The following TSPOAP1 variants were observed in gnomAD, a reference collection of about 807,000 sequenced individuals.
TSPOAP1 encodes the protein TSPO associated protein 1.
In TSPOAP1, 87 loss-of-function variants were observed where a neutral mutation model predicts 197.0. That is an observed-to-expected ratio of 0.44 (90% CI 0.37 to 0.53). The LOEUF is 0.53. Ranked by LOEUF, TSPOAP1 falls within the 20% of genes least tolerant of loss-of-function variation. The pLI is 0.00. For missense variants in TSPOAP1, 2,174 were observed against 2,411.3 expected (o/e 0.90, Z 2.06); for synonymous variants, 913 against 998.9 (o/e 0.91, Z 1.62).
intron 4 of TSPOAP1, chr17:58,325,302 AC>A: frequency 1.6e-6 from 1 of 626,414 alleles, no homozygotes; most frequent in South Asian, 1.9e-5. Context: ...ATACAGCCAG[AC>A]CCACCGGCAA....
rs1186384931 is a variant in TSPOAP1, at chr17:58,308,781, G to T, written c.4491C>A (p.Ile1497=). The T allele has an allele frequency of 6.2e-7, 1 of 1,613,066 alleles. No individual in the cohort carries two copies. Among genetic ancestry groups the T allele is most frequent in the Admixed American group, 1.7e-5 (1 of 60,028 alleles). Residue 1497 remains isoleucine, a synonymous_variant, in exon 22 of 32, where the codon ATC becomes ATA. Transcript: ENST00000343736. ...CATCCTCCGAATCATATTCAATGCT[G>T]ATTTCCAAGCACTTGGGGGAAAGGC... ...ASCLSPKCLE[I]SIEYDSEDEQ...
rs1476968865 is a variant in TSPOAP1, at chr17:58,310,842, G to A, written c.3453C>T (p.Cys1151=). 1.9e-6 allele frequency: 3 copies of A among 1,558,226 alleles called. No individual in the cohort carries two copies. Among genetic ancestry groups the A allele is most frequent in the Non-Finnish European group, 1.7e-6 (2 of 1,150,758 alleles). ...CTCTCCCCAGACAGGGTACCTGGGAGCAAGGTGCTGGAGGGTCCTCGTGGG... is the reference window on the plus strand; with the variant it reads ...CTCTCCCCAGACAGGGTACCTGGGAACAAGGTGCTGGAGGGTCCTCGTGGG... ...KGSHEDPPAP[C]SQEEAGAAVL... The change falls in exon 19 of 32, where the codon TGC becomes TGT. Residue 1151 remains cysteine (C), a synonymous_variant. Coordinates refer to ENST00000343736, the MANE Select transcript of TSPOAP1 (RefSeq NM_004758.4).
At chr17:58,313,381 G>A (rs1971127478) in intron 16 of TSPOAP1, among the ~76,000 whole-genome samples, 1 of 152,166 alleles carries the variant, frequency 6.6e-6, no homozygotes, top group Admixed American at 6.5e-5. Flanking sequence ...AGGAGGATGA[G>A]GCAGGCAGAT....
chr17:58,309,310 A>AG lies in TSPOAP1; in HGVS notation c.3961dup (p.Leu1321ProfsTer6). The stretch of plus-strand genomic sequence containing the variant: ...GAGCTTCTTGCTACAGAACTGCTGG[A>AG]GGGGCAGCTCCAGGATCTGCTCCAA... On this transcript the variant is annotated frameshift_variant, in exon 22 of 32. Coordinates refer to ENST00000343736, the MANE Select transcript of TSPOAP1 (RefSeq NM_004758.4). LOFTEE classifies it high-confidence loss of function. The surrounding 1 kb of genome is among the most constrained non-coding windows in gnomAD (Gnocchi z 5.0). The AG allele has an allele frequency of 6.2e-7, 1 of 1,613,650 alleles. No homozygotes were observed. Among genetic ancestry groups the AG allele is most frequent in the Non-Finnish European group, 8.5e-7 (1 of 1,179,990 alleles).
At position 58,307,938 on chromosome 17, in the gene TSPOAP1, T is replaced by C; in HGVS notation, c.4735A>G (p.Thr1579Ala). 1.2e-6 allele frequency: 2 copies of C among 1,610,614 alleles called. No homozygotes were observed. The highest frequency in any genetic ancestry group is 1.7e-4 in the Middle Eastern group (1 of 6,048). ...TGCCCTCTGGCCTCTCCGGTCTCTG[T>C]TGCCTGCAAAAAGAGGGCAACAGAT... ...GRAKEPLSRA[T>A]ETGEARGQDG... The change falls in exon 23 of 32, where the codon ACA (threonine) becomes GCA (alanine). Residue 1579 changes from threonine to alanine, a missense_variant. By Grantham distance (58) the Thr-to-Ala change is moderately conservative. Transcript: ENST00000343736.
Position 58,304,495 on chromosome 17 carries a change from C to G in TSPOAP1, c.5545-96G>C. On this transcript the variant is annotated intron_variant, in intron 30 of 31. Transcript: ENST00000343736. This position sits in a 1 kb window ranked among gnomAD's most constrained non-coding sequence, Gnocchi z 4.2. ...TGGCCCTGCGCAGGGGTGGGCCCTA[C>G]TCTCCAAGGCCTTTGTGTTCACACA... 1 of 957,372 alleles carries G rather than the reference C, an allele frequency of 1.0e-6. No individual in the cohort carries two copies. Among genetic ancestry groups the G allele is most frequent in the Non-Finnish European group, 1.7e-6 (1 of 586,524 alleles). 59.3% of individuals were successfully genotyped at this position (957,372 alleles called of 1,614,324 possible). A position where few individuals can be genotyped will look rare whatever the true frequency, so the allele number is the denominator to read the frequency against.
In TSPOAP1 at chr17:58,306,235, A is replaced by T. The variant is rs1354611632; in HGVS notation, c.5224+107T>A. Reference sequence around the variant, plus strand: ...AGACAGCCAAGCAGCGCCACCCACCAGCACACACATCCTCCCAGCACCTGA... The same window carrying T: ...AGACAGCCAAGCAGCGCCACCCACCTGCACACACATCCTCCCAGCACCTGA... On this transcript the variant is annotated intron_variant, in intron 26 of 31. Transcript: ENST00000343736. 5 of 1,172,634 alleles carry T rather than the reference A, an allele frequency of 4.3e-6. No individual in the cohort carries two copies. The Admixed American group carries it at 8.0e-5, about 19-fold the overall frequency. The allele number at this position is 1,172,634 out of a possible 1,614,324, so 72.6% of individuals were successfully genotyped here.
At chr17:58,306,522 A>G in intron 25 of TSPOAP1, 109 bp from the exon 26 acceptor site, 1 of 1,108,442 alleles carries the variant, frequency 9.0e-7, no homozygotes. Flanking sequence ...CTTGTTTCGT[A>G]AGGGCATTCA....
Position 58,324,761 on chromosome 17 carries a change from C to A in TSPOAP1, c.942+50G>T. The A allele has an allele frequency of 2.3e-6, 3 of 1,304,368 alleles. No homozygotes were observed. The highest frequency in any genetic ancestry group is 1.9e-5 in the South Asian group (1 of 52,626). 80.8% of individuals were successfully genotyped at this position (1,304,368 alleles called of 1,614,324 possible). The stretch of plus-strand genomic sequence containing the variant: ...CAGGGGAGATCCCGGTGGTCGTTCC[C>A]CCCACCCATCTGCACGCACCCACAC... On this transcript the variant is annotated intron_variant, in intron 5 of 31. Transcript: ENST00000343736. The surrounding 1 kb of genome is among the most constrained non-coding windows in gnomAD (Gnocchi z 5.8).
In TSPOAP1 at chr17:58,312,214, G is replaced by A. The variant is rs756268942; in HGVS notation, c.2607C>T (p.Asp869=). The A allele has an allele frequency of 5.4e-5, 87 of 1,612,868 alleles. No individual in the cohort carries two copies. Among genetic ancestry groups the A allele is most frequent in the Non-Finnish European group, 7.0e-5 (83 of 1,179,914 alleles). ...VQALTSRGSS[D]PLRCCLAVGA... is the part of the protein sequence containing the mutation. ...CCACCGCCAAGCAACAGCGCAGTGG[G>A]TCAGAGCTGCCCCGGCTAGTCAGGG... is the stretch of plus-strand genomic sequence containing the variant. The change falls in exon 17 of 32, where the codon GAC becomes GAT. Residue 869 remains aspartate (D), a synonymous_variant. Coordinates refer to ENST00000343736, the MANE Select transcript of TSPOAP1 (RefSeq NM_004758.4).
intron 16 of TSPOAP1, among the ~76,000 whole-genome samples, chr17:58,313,422 G>T (rs1387468393): frequency 6.6e-6 from 1 of 151,988 alleles, no homozygotes; most frequent in Admixed American, 6.6e-5. Context: ...TGACCAATCT[G>T]GGCAACATGG....
rs1056667565 is a variant in TSPOAP1 at position 58,301,866 on chromosome 17, C to G, written c.*614G>C. On this transcript the variant is annotated 3_prime_UTR_variant, in exon 32 of 32. Transcript: ENST00000343736. ...ACAGGATCAGGACAGCCAGAGCCATCAGGGGGCACAGGCTCCTTTCTCCCT... is the reference window on the plus strand; with the variant it reads ...ACAGGATCAGGACAGCCAGAGCCATGAGGGGGCACAGGCTCCTTTCTCCCT... 1 of 161,988 alleles carries G rather than the reference C, an allele frequency of 6.2e-6. No homozygotes were observed. Among genetic ancestry groups the G allele is most frequent in the African/African-American group, 2.4e-5 (1 of 41,490 alleles). The allele number at this position is 161,988 out of a possible 1,614,324, so 10.0% of individuals were successfully genotyped here. A position where few individuals can be genotyped will look rare whatever the true frequency, so the allele number is the denominator to read the frequency against.
At chr17:58,317,813 C>A (rs1294324546) in intron 14 of TSPOAP1, among the ~76,000 whole-genome samples, 2 of 152,206 alleles carry the variant, frequency 1.3e-5, no homozygotes, top group Non-Finnish European at 2.9e-5. Flanking sequence ...CTCACAACAA[C>A]CTTAGAAGGC....
chr17:58,324,480 C>T lies in TSPOAP1; in HGVS notation c.942+331G>A, dbSNP rs1359377035. On this transcript the variant is annotated intron_variant, in intron 5 of 31. Coordinates refer to ENST00000343736, the MANE Select transcript of TSPOAP1 (RefSeq NM_004758.4). The surrounding 1 kb of genome is among the most constrained non-coding windows in gnomAD (Gnocchi z 5.8). ...CGGCGGCGGGAGGAGGCGGCGCGGG[C>T]TGGGCCCCGGGCGGCTGCCAGGACA... 1.3e-5 allele frequency among the ~76,000 whole-genome samples: 2 copies of T among 151,818 alleles called. No individual in the cohort carries two copies. The highest frequency in any genetic ancestry group is 2.9e-5 in the Non-Finnish European group (2 of 67,902).
chr17:58,304,935 G>T lies in TSPOAP1; in HGVS notation c.5544+126C>A. 1.3e-6 allele frequency: 1 copy of T among 761,304 alleles called. No homozygotes were observed. Among genetic ancestry groups the T allele is most frequent in the Non-Finnish European group, 2.4e-6 (1 of 423,720 alleles). The allele number at this position is 761,304 out of a possible 1,614,324, so 47.2% of individuals were successfully genotyped here. The stretch of plus-strand genomic sequence containing the variant: ...TCTGGTGGTCAATTAGCGGCTGCAC[G>T]CTGGACACAGTGCTTACCTGCATGA... On this transcript the variant is annotated intron_variant, in intron 30 of 31. Coordinates refer to ENST00000343736, the MANE Select transcript of TSPOAP1 (RefSeq NM_004758.4). The surrounding 1 kb of genome is among the most constrained non-coding windows in gnomAD (Gnocchi z 4.2).
rs568346997 is a variant in TSPOAP1 at position 58,327,948 on chromosome 17, G to A, written c.-28C>T. 25 of 1,549,342 alleles carry A rather than the reference G, an allele frequency of 1.6e-5. No individual in the cohort carries two copies. The African/African-American group carries it at 3.0e-4, about 18-fold the overall frequency. On this transcript the variant is annotated 5_prime_UTR_variant, in exon 1 of 32. Coordinates refer to ENST00000343736, the MANE Select transcript of TSPOAP1 (RefSeq NM_004758.4). ...TACTGCCAAGGGGCCCCAGAACCCG[G>A]GCCGGGGGACATCACCCAGCCAGGT...
At chr17:58,321,208 T>C (rs751810264) in intron 10 of TSPOAP1, among the ~76,000 whole-genome samples, 27 of 151,730 alleles carry the variant, frequency 1.8e-4, no homozygotes, top group Non-Finnish European at 1.6e-4. Flanking sequence ...CCTCACGGAG[T>C]ATGAAGAGCC....
intron 7 of TSPOAP1, 42 bp downstream of exon 7, chr17:58,323,256 T>C (rs11655709): frequency 0.11 from 181,957 of 1,610,340 alleles, 11,765 homozygotes; most frequent in East Asian, 0.3. Context: ...CTGGCCGGGG[T>C]GAAGGGAGGA....
Position 58,310,125 on chromosome 17 carries a change from C to G in TSPOAP1, c.3733G>C (p.Val1245Leu). 1 of 1,613,206 alleles carries G rather than the reference C, an allele frequency of 6.2e-7. No individual in the cohort carries two copies. Among genetic ancestry groups the G allele is most frequent in the Non-Finnish European group, 8.5e-7 (1 of 1,179,994 alleles). ...CGGCCGTGGTCCACGAGGGAGTTCA[C>G]CAGATGAACCCCAAGCTCTGCTGTG... ...EDTAELGVHL[V>L]NSLVDHGRNS... Residue 1245 changes from valine (V) to leucine (L), a missense_variant, in exon 21 of 32, where the codon GTG becomes CTG. This residue lies in a region of TSPOAP1 where 1,933 missense variants were observed against 2,139.0 expected (regional missense o/e 0.90). Transcript: ENST00000343736.
Sources: allele counts gnomAD v4.1 joint callset (sites outside exome capture counted in the v4.1 genomes callset), GRCh38; gene constraint gnomAD v4.1.1; regional missense constraint gnomAD v4.1.1; non-coding constraint Gnocchi (gnomAD v3.1); transcripts MANE v1.5; gene names NCBI Gene and HGNC (gene_info 2026-07-23, HGNC 2026-07-21).